PPFIBP2: variants seen among roughly 807,000 people sequenced by gnomAD.
The protein encoded by PPFIBP2 is PPFIB scaffold protein 2, also known as liprin-beta-2.
PPFIBP2 carries 118 observed loss-of-function variants against 118.3 expected under a neutral mutation model. That is an observed-to-expected ratio of 1.00 (90% CI 0.86 to 1.16). PPFIBP2 has a LOEUF of 1.16. Ranked by LOEUF, PPFIBP2 falls within the 50% of genes most tolerant of loss-of-function variation. PPFIBP2 has a pLI of 0.00. For missense variants in PPFIBP2, 1,195 were observed against 1,073.1 expected (o/e 1.11, Z -1.59); for synonymous variants, 414 against 397.4 (o/e 1.04, Z -0.50).
chr11:7,666,041 G>A, the PPFIBP2 span: 10 of 808,814 alleles, frequency 1.2e-5, 1 homozygote, highest in South Asian at 4.6e-5. Flanking sequence ...TGCAGCAGCT[G>A]TCTGGGGGCT....
chr11:7,541,874 C>T (rs556875312), intron 1 of PPFIBP2, among the ~76,000 whole-genome samples: 1 of 152,284 alleles, frequency 6.6e-6, no homozygotes, highest in East Asian at 1.9e-4. Context: ...GGGCAAAAAC[C>T]GTGTAGGCAC....
At chr11:7,538,064 C>T (rs918081538) in intron 1 of PPFIBP2, among the ~76,000 whole-genome samples, 1 of 152,186 alleles carries the variant, frequency 6.6e-6, no homozygotes, top group Non-Finnish European at 1.5e-5. Flanking sequence ...CATTCAACAA[C>T]ATCAAGCAAA....
At chr11:7,661,329 G>T (rs1243639348), downstream of PPFIBP2, among the ~76,000 whole-genome samples, 1 of 149,828 alleles carries the variant, frequency 6.7e-6, no homozygotes, top group East Asian at 2.0e-4. Flanking sequence ...ATGTGTCCCA[G>T]AGATTCTGGT....
Position 7,648,782 on chromosome 11 carries a change from T to G in PPFIBP2, c.1798-18T>G. 6.2e-7 allele frequency: 1 copy of G among 1,610,650 alleles called. No homozygotes were observed. Among genetic ancestry groups the G allele is most frequent in the South Asian group, 1.1e-5 (1 of 90,974 alleles). ...GCCTGCCAAAATTTCACATGTGGTCTTCATCTTTTAATTTCAGGAGCTAGG... is the reference window on the plus strand; with the variant it reads ...GCCTGCCAAAATTTCACATGTGGTCGTCATCTTTTAATTTCAGGAGCTAGG... On this transcript the variant is annotated intron_variant, in intron 18 of 23. Transcript: ENST00000299492.
intron 1 of PPFIBP2, among the ~76,000 whole-genome samples, chr11:7,544,272 A>G (rs926497945): frequency 1.3e-5 from 2 of 152,250 alleles, no homozygotes; most frequent in African/African-American, 2.4e-5. Context: ...TTAAGTGTCC[A>G]GAGAGAATGA....
intron 10 of PPFIBP2, among the ~76,000 whole-genome samples, chr11:7,630,148 C>T (rs962375934): frequency 6.6e-6 from 1 of 152,216 alleles, no homozygotes; most frequent in African/African-American, 2.4e-5. Context: ...ATCATAGATC[C>T]TGAGGAAGCA....
chr11:7,603,563 C>T (rs1202653756), intron 5 of PPFIBP2, among the ~76,000 whole-genome samples: 5 of 152,262 alleles, frequency 3.3e-5, no homozygotes, highest in South Asian at 4.1e-4. Context: ...TGTCATTGGT[C>T]GGTAACACCC....
intron 3 of PPFIBP2, chr11:7,569,103 G>C (rs1855354362): frequency 6.6e-6 from 1 of 152,220 alleles, no homozygotes; most frequent in Non-Finnish European, 1.5e-5. Context: ...TCCATAGTTA[G>C]AATAGGACAA....
intron 5 of PPFIBP2, among the ~76,000 whole-genome samples, chr11:7,609,794 CT>C (rs1847845558): frequency 6.6e-6 from 1 of 152,154 alleles, no homozygotes; most frequent in Admixed American, 6.5e-5. Flanking sequence ...TGCACATCTA[CT>C]TTGTGTTCTA....
chr11:7,547,858 C>G (rs868400494), intron 1 of PPFIBP2, among the ~76,000 whole-genome samples: 19 of 152,306 alleles, frequency 1.2e-4, no homozygotes, highest in Middle Eastern at 3.4e-3. Context: ...CCCTCTCCCC[C>G]TCCACAAGCA....
chr11:7,646,220 G>A (rs1486607763), intron 17 of PPFIBP2, among the ~76,000 whole-genome samples: 2 of 152,300 alleles, frequency 1.3e-5, no homozygotes, highest in East Asian at 1.9e-4. Flanking sequence ...ATGTACTGCC[G>A]CAAGGACATA....
At position 7,620,775 on chromosome 11, in the gene PPFIBP2, A is replaced by G. The variant is rs142983744; in HGVS notation, c.619-160A>G. ...CCCTGGCCTTTGTTTTTTAACGGCCATACAGCTTTCCTGAAACAAGGGACG... is the reference window on the plus strand; with the variant it reads ...CCCTGGCCTTTGTTTTTTAACGGCCGTACAGCTTTCCTGAAACAAGGGACG... On this transcript the variant is annotated intron_variant, in intron 6 of 23. Coordinates refer to ENST00000299492, the MANE Select transcript of PPFIBP2 (RefSeq NM_003621.5). Among the ~76,000 whole-genome samples the G allele has an allele frequency of 5.2e-3, 795 of 152,330 alleles. 6 individuals carry two copies. The highest frequency in any genetic ancestry group is 0.018 in the African/African-American group (734 of 41,562).
At chr11:7,655,580 C>G (rs1376984288), downstream of PPFIBP2, 12 of 1,122,710 alleles carry the variant, frequency 1.1e-5, no homozygotes, top group Admixed American at 2.3e-5. Context: ...GTGGTATGCA[C>G]AAGGCCTGGG....
At chr11:7,552,800 T>C (rs1449639115) in intron 2 of PPFIBP2, among the ~76,000 whole-genome samples, 2 of 152,180 alleles carry the variant, frequency 1.3e-5, no homozygotes, top group Non-Finnish European at 2.9e-5. Context: ...AGGCTTATGC[T>C]GAAATGTTAC....
intron 5 of PPFIBP2, among the ~76,000 whole-genome samples, chr11:7,605,167 C>T (rs1847187992): frequency 6.6e-6 from 1 of 152,274 alleles, no homozygotes; most frequent in South Asian, 2.1e-4. Context: ...TGGCAATGTA[C>T]AATTGTCGCA....
intron 3 of PPFIBP2, among the ~76,000 whole-genome samples, chr11:7,591,693 G>C (rs1426204245): frequency 3.9e-5 from 6 of 152,200 alleles, no homozygotes; most frequent in Non-Finnish European, 8.8e-5. Flanking sequence ...AGAAGACAGT[G>C]GTGTGGCAGC....
chr11:7,541,518 T>G (rs911738293), intron 1 of PPFIBP2, among the ~76,000 whole-genome samples: 1 of 152,194 alleles, frequency 6.6e-6, no homozygotes, highest in Non-Finnish European at 1.5e-5. Flanking sequence ...CCACTCTCAC[T>G]TCTGGCTGCT....
chr11:7,554,792 A>ACTAGG (rs1228620536), intron 2 of PPFIBP2, among the ~76,000 whole-genome samples: 4 of 151,528 alleles, frequency 2.6e-5, no homozygotes, highest in African/African-American at 9.8e-5. Flanking sequence ...AGGTGACTAG[A>ACTAGG]CTAGACTAGA....
At chr11:7,656,266 CTA>C (rs1854678822), downstream of PPFIBP2, among the ~76,000 whole-genome samples, 2 of 152,324 alleles carry the variant, frequency 1.3e-5, no homozygotes, top group African/African-American at 4.8e-5. Context: ...AGCCTATTGG[CTA>C]TAGTGTCTGT....
Sources: gnomAD v4.1 joint callset for allele counts (sites outside exome capture counted in the v4.1 genomes callset) on GRCh38, gnomAD v4.1.1 for gene constraint, MANE v1.5 for transcripts, NCBI Gene and HGNC (gene_info 2026-07-23, HGNC 2026-07-21) for gene names.